ACSL6: variants seen among roughly 807,000 people sequenced by gnomAD.
ACSL6 encodes long-chain-fatty-acid--CoA ligase 6.
ACSL6 carries 47 observed loss-of-function variants against 98.2 expected under a neutral mutation model. The observed-to-expected ratio is 0.48, with a 90% CI of 0.38 to 0.61. The LOEUF is 0.61. Among genes scored for constraint, ACSL6 ranks in the 20% least tolerant of loss-of-function variants. The probability of loss-of-function intolerance (pLI) is 0.00; values close to 1 mark genes in which losing one functional copy is unlikely to be tolerated. For synonymous variants in ACSL6, 362 were observed against 336.9 expected, an observed-to-expected ratio of 1.07 and a Z score of -0.82; for missense variants, 761 against 913.4, an observed-to-expected ratio of 0.83 and a Z score of 2.15.
chr5:131,988,474 C>T (rs551809769), intron 6 of ACSL6: 4 of 1,540,146 alleles, frequency 2.6e-6, no homozygotes, highest in Admixed American at 1.7e-5. Flanking sequence ...CCAGGCTCTG[C>T]CCCCATCATC....
chr5:131,966,777 T>C (rs550929467), intron 16 of ACSL6, among the ~76,000 whole-genome samples: 1 of 152,224 alleles, frequency 6.6e-6, no homozygotes. Context: ...TTGTCATCTC[T>C]TCTCCCTCAG....
intron 1 of ACSL6, among the ~76,000 whole-genome samples, chr5:132,004,616 C>T (rs2126957809): frequency 6.6e-6 from 1 of 152,242 alleles, no homozygotes; most frequent in East Asian, 1.9e-4. Context: ...TGGAACTGTC[C>T]AGGGAGCAGA....
chr5:131,999,126 A>C (rs984554908), intron 1 of ACSL6, among the ~76,000 whole-genome samples: 1 of 151,798 alleles, frequency 6.6e-6, no homozygotes, highest in Non-Finnish European at 1.5e-5. Context: ...GGACCCTAGC[A>C]AACGAGCTTG....
intron 6 of ACSL6, among the ~76,000 whole-genome samples, 178 bp from the exon 7 acceptor site, chr5:131,988,404 C>T (rs971490789): frequency 3.9e-5 from 6 of 152,152 alleles, no homozygotes; most frequent in Non-Finnish European, 7.4e-5. Context: ...GGGTCCTGGG[C>T]GGAACCAAGG....
At position 131,964,058 on chromosome 5, in the gene ACSL6, A is replaced by G. The variant is rs1338816717; in HGVS notation, c.1714-1380T>C. Among the ~76,000 whole-genome samples the G allele has an allele frequency of 2.6e-5, 4 of 152,342 alleles. No individual in the cohort carries two copies. In the East Asian group the frequency reaches 7.7e-4, roughly 29 times the overall value. On this transcript the variant is annotated intron_variant, in intron 17 of 20. Transcript: ENST00000651883. ...CATGATTTCAAAATAACGTTTTTAA[A>G]AGCACAAATGTCTTTATAGATGATT...
At chr5:131,968,322 G>T in intron 15 of ACSL6, 1 of 272,378 alleles carries the variant, frequency 3.7e-6, no homozygotes. Flanking sequence ...GGTAGGATGG[G>T]GGGCATCAAA....
chr5:131,979,619 A>G lies in ACSL6; in HGVS notation c.917-2898T>C, dbSNP rs138516281. Among the ~76,000 whole-genome samples the G allele has an allele frequency of 7.9e-5, 12 of 152,382 alleles. 1 individual carries two copies. The East Asian group carries it at 2.3e-3, about 29-fold the overall frequency. ...GTCTAATGGCATATGGAATTTTAAA[A>G]CATTCCCAGACATGCCCAAATTATT... On this transcript the variant is annotated intron_variant, in intron 9 of 20. Coordinates refer to ENST00000651883, the MANE Select transcript of ACSL6 (RefSeq NM_001009185.3).
chr5:131,991,078 C>T (rs983207729), intron 2 of ACSL6, 111 bp from the exon 3 acceptor site: 5 of 833,760 alleles, frequency 6.0e-6, no homozygotes, highest in Non-Finnish European at 9.8e-6. Flanking sequence ...CCCGTGCATG[C>T]AGTTAGCACC....
intron 4 of ACSL6, among the ~76,000 whole-genome samples, chr5:131,989,718 C>T (rs551930965): frequency 7.3e-5 from 11 of 150,112 alleles, no homozygotes; most frequent in South Asian, 2.1e-4. Context: ...GTCAGCCTCC[C>T]GAGTAGCTGG....
At chr5:132,011,940 AG>A, upstream of ACSL6, 1 of 1,552,002 alleles carries the variant, frequency 6.4e-7, no homozygotes, top group Non-Finnish European at 8.7e-7. This position sits in a 1 kb window ranked among gnomAD's most constrained non-coding sequence, Gnocchi z 5.4. Flanking sequence ...ACCGGCTGGA[AG>A]GGGGAGCACG....
rs537525539 is a variant in ACSL6, at chr5:131,993,442, A to G, written c.270+589T>C. On this transcript the variant is annotated intron_variant, in intron 2 of 20. Transcript: ENST00000651883. ...TGTTTGTTCTGGACTATGTGGATAC[A>G]TTATCTATTCCAAATGAACAGAATT... The G allele has an allele frequency of 5.6e-5, 9 of 159,682 alleles. No homozygotes were observed. In the South Asian group the frequency reaches 1.6e-3, roughly 28 times the overall value. 9.9% of individuals were successfully genotyped at this position (159,682 alleles called of 1,614,324 possible).
chr5:131,977,380 C>T (rs1753675976), intron 9 of ACSL6, among the ~76,000 whole-genome samples: 1 of 152,132 alleles, frequency 6.6e-6, no homozygotes, highest in Non-Finnish European at 1.5e-5. Context: ...GCTAGGGATC[C>T]CAGGCACAGC....
intron 1 of ACSL6, among the ~76,000 whole-genome samples, chr5:131,997,219 A>T (rs62384109): frequency 0.013 from 2,024 of 152,282 alleles, 30 homozygotes; most frequent in Middle Eastern, 0.044. Flanking sequence ...GCCTTTTCCT[A>T]CACACTGTAC....
At chr5:131,960,654 G>T in intron 18 of ACSL6, 33 bp from the exon 19 acceptor site, 1 of 1,551,898 alleles carries the variant, frequency 6.4e-7, no homozygotes, top group South Asian at 1.2e-5. Context: ...ACACAGTCAT[G>T]ACAAATGCAT....
At chr5:131,959,273 A>G (rs10078535) in intron 20 of ACSL6, among the ~76,000 whole-genome samples, 15,638 of 152,258 alleles carry the variant, frequency 0.1, 1,895 homozygotes, top group African/African-American at 0.29. Flanking sequence ...TCATGTACAC[A>G]TGATTTACTA....
intron 9 of ACSL6, among the ~76,000 whole-genome samples, chr5:131,980,285 A>G (rs569885745): frequency 2.0e-5 from 3 of 152,290 alleles, no homozygotes; most frequent in South Asian, 2.1e-4. Context: ...TCTTACTTTT[A>G]TCAATCCCAT....
At position 132,011,217 on chromosome 5, in the gene ACSL6, A is replaced by C. The variant is rs1213463690; in HGVS notation, c.49+288T>G. On this transcript the variant is annotated intron_variant, in intron 1 of 20. Transcript: ENST00000651883. This position sits in a 1 kb window ranked among gnomAD's most constrained non-coding sequence, Gnocchi z 5.4. ...ATCTGATCCGCGGATGGTCCTTGCC[A>C]TCAGGGAAGGGGGACGCAAGAACTC... 1.3e-5 allele frequency among the ~76,000 whole-genome samples: 2 copies of C among 152,122 alleles called. No homozygotes were observed. The highest frequency in any genetic ancestry group is 6.5e-5 in the Admixed American group (1 of 15,278).
chr5:131,964,153 C>T (rs996255167), intron 17 of ACSL6, among the ~76,000 whole-genome samples: 1 of 152,102 alleles, frequency 6.6e-6, no homozygotes, highest in Non-Finnish European at 1.5e-5. Flanking sequence ...GGGAAAAAAC[C>T]CACTTACCAA....
chr5:132,008,535 C>T (rs1342548314), intron 1 of ACSL6, among the ~76,000 whole-genome samples: 1 of 152,198 alleles, frequency 6.6e-6, no homozygotes, highest in Non-Finnish European at 1.5e-5. Context: ...TCATAACGAC[C>T]TCCTACTACC....
Sources: gnomAD v4.1 joint callset for allele counts (sites outside exome capture counted in the v4.1 genomes callset) on GRCh38, gnomAD v4.1.1 for gene constraint, Gnocchi (gnomAD v3.1) non-coding constraint, MANE v1.5 for transcripts, NCBI Gene and HGNC (gene_info 2026-07-23, HGNC 2026-07-21) for gene names.